The following RTTN variants were observed in gnomAD, a reference collection of about 807,000 sequenced individuals.
RTTN encodes rotatin.
In RTTN, 182 loss-of-function variants were observed where a neutral mutation model predicts 269.2. That is an observed-to-expected ratio of 0.68 (90% CI 0.60 to 0.76). The LOEUF (loss-of-function observed/expected upper bound fraction) is 0.76. Ranked by LOEUF, RTTN falls within the 30% of genes least tolerant of loss-of-function variation. The pLI, the probability that RTTN is intolerant of heterozygous loss-of-function variation, is 0.00. For missense variants in RTTN, 2,545 were observed against 2,608.6 expected, an observed-to-expected ratio of 0.98 and a Z score of 0.53; for synonymous variants, 1,006 against 963.5, an observed-to-expected ratio of 1.04 and a Z score of -0.82.
intron 34 of RTTN, among the ~76,000 whole-genome samples, chr18:70,067,578 A>G (rs1238630095): frequency 2.0e-5 from 3 of 152,246 alleles, no homozygotes; most frequent in South Asian, 2.1e-4. Context: ...AAATAATCCT[A>G]TGCCAAGACT....
chr18:70,039,111 C>A (rs930753469), intron 40 of RTTN, among the ~76,000 whole-genome samples: 12 of 151,922 alleles, frequency 7.9e-5, no homozygotes, highest in Non-Finnish European at 1.5e-4. Context: ...CTCGAAAGGG[C>A]AAATTTAAGA....
intron 34 of RTTN, among the ~76,000 whole-genome samples, chr18:70,067,405 C>T (rs530797574): frequency 2.2e-3 from 332 of 152,272 alleles, no homozygotes; most frequent in African/African-American, 7.5e-3. Flanking sequence ...GTGATCCGCC[C>T]GCCTCTGCCT....
At chr18:70,005,851 T>C (rs975544309) in intron 47 of RTTN, 1 of 154,142 alleles carries the variant, frequency 6.5e-6, no homozygotes, top group Non-Finnish European at 1.4e-5. Context: ...ACTTAATCAC[T>C]AGATACTTAT....
intron 8 of RTTN, among the ~76,000 whole-genome samples, chr18:70,192,669 C>CAAAAAAAAAAAAAAAAAAAAAAAAAAA (rs11313917): frequency 1.1e-5 from 1 of 89,884 alleles, no homozygotes; most frequent in Non-Finnish European, 2.2e-5. Context: ...GACCTTGTCT[C>CAAAAAAAAAAAAAAAAAAAAAAAAAAA]AAAAAAAAAA....
intron 46 of RTTN, chr18:70,007,704 T>C (rs1423025614): frequency 6.6e-6 from 1 of 152,370 alleles, no homozygotes; most frequent in Non-Finnish European, 1.5e-5. Flanking sequence ...ACTGCCTCTC[T>C]AGATTCCTCC....
At chr18:70,203,780 A>C (rs1222178434) in intron 3 of RTTN, among the ~76,000 whole-genome samples, 1 of 152,228 alleles carries the variant, frequency 6.6e-6, no homozygotes. Context: ...ACTAAGAACA[A>C]TGAGCACTCA....
In RTTN at chr18:70,030,876, C is replaced by T. The variant is rs752948209; in HGVS notation, c.5647G>A (p.Ala1883Thr). ...SRRAQKHALK[A>T]NLIDNCMEQM... is the part of the protein sequence containing the mutation. ...ACAGCTGATGTGTCATGTGGCTCAC[C>T]TTTCAAAGCATGTTTCTGTGCTCTT... is the stretch of plus-strand genomic sequence containing the variant. Residue 1883 changes from alanine (A) to threonine (T), a missense_variant and splice_region_variant, in exon 41 of 49, where the codon GCC becomes ACC. Transcript: ENST00000640769. 2 of 1,608,760 alleles carry T rather than the reference C, an allele frequency of 1.2e-6. No homozygotes were observed. The highest frequency in any genetic ancestry group is 1.7e-6 in the Non-Finnish European group (2 of 1,176,926).
chr18:70,200,090 T>C (rs1284686237), intron 4 of RTTN, among the ~76,000 whole-genome samples: 1 of 152,232 alleles, frequency 6.6e-6, no homozygotes, highest in African/African-American at 2.4e-5. Flanking sequence ...ACAGATCTTA[T>C]ATAGTACAAG....
At chr18:70,149,532 T>A (rs182805042) in intron 16 of RTTN, among the ~76,000 whole-genome samples, 1 of 91,358 alleles carries the variant, frequency 1.1e-5, no homozygotes, top group African/African-American at 3.1e-5. Context: ...TCCAGAAGGA[T>A]TGCTTTTTTA....
intron 46 of RTTN, among the ~76,000 whole-genome samples, chr18:70,009,923 C>A (rs1422004630): frequency 2.6e-5 from 4 of 151,880 alleles, no homozygotes; most frequent in African/African-American, 9.7e-5. Context: ...AAAAAAAAAG[C>A]AGAGGTGGCA....
At chr18:70,152,837 C>T (rs1270084757) in intron 14 of RTTN, among the ~76,000 whole-genome samples, 1 of 152,198 alleles carries the variant, frequency 6.6e-6, no homozygotes, top group Non-Finnish European at 1.5e-5. Context: ...CCCCTACAAT[C>T]CATTCCCCAC....
At chr18:70,004,339 A>T in intron 48 of RTTN, 103 bp from the exon 49 acceptor site, 1 of 661,312 alleles carries the variant, frequency 1.5e-6, no homozygotes, top group East Asian at 2.9e-5. Flanking sequence ...GGATTTATAT[A>T]TAATTTAAAG....
chr18:70,099,721 A>G (rs1228225072), intron 28 of RTTN, among the ~76,000 whole-genome samples: 2 of 152,136 alleles, frequency 1.3e-5, no homozygotes, highest in African/African-American at 4.8e-5. Context: ...TAGGTCTAAC[A>G]TTTAAGTCTT....
chr18:70,147,543 T>G (rs2060427016), intron 17 of RTTN, among the ~76,000 whole-genome samples: 1 of 152,168 alleles, frequency 6.6e-6, no homozygotes, highest in Non-Finnish European at 1.5e-5. Flanking sequence ...TGACTGTGTA[T>G]TTATGTATAA....
intron 37 of RTTN, among the ~76,000 whole-genome samples, chr18:70,055,415 G>A (rs954596287): frequency 2.0e-5 from 3 of 152,130 alleles, no homozygotes; most frequent in African/African-American, 7.2e-5. Context: ...TGTGGAGTAT[G>A]TGTCTCTGAG....
rs117705557 is a variant in RTTN, at chr18:70,085,840, C to T, written c.4374+773G>A. ...ACTCCCAAGGAGGGAGTGGGGGAGG[C>T]GGCTGAGGTTATAAATTACCTAACT... On this transcript the variant is annotated intron_variant, in intron 32 of 48. Transcript: ENST00000640769. Among the ~76,000 whole-genome samples, 31 of 152,066 alleles carry T rather than the reference C, an allele frequency of 2.0e-4. No homozygotes were observed. In the East Asian group the frequency reaches 2.3e-3, roughly 11 times the overall value.
intron 7 of RTTN, among the ~76,000 whole-genome samples, chr18:70,194,949 T>C (rs770835094): frequency 2.6e-5 from 4 of 152,186 alleles, no homozygotes; most frequent in Non-Finnish European, 5.9e-5. Context: ...GCATATTTTA[T>C]ATTATACCTA....
At chr18:70,062,607 TC>T (rs1375119746) in intron 35 of RTTN, among the ~76,000 whole-genome samples, 8 of 58,534 alleles carry the variant, frequency 1.4e-4, no homozygotes, top group South Asian at 9.9e-4. Context: ...TATCCTCCCC[TC>T]TTTTTTTTTT....
Position 70,017,495 on chromosome 18 carries a change from G to C in RTTN, c.6333C>G (p.Tyr2111Ter), listed in dbSNP as rs1471500560. 1.2e-6 allele frequency: 2 copies of C among 1,613,868 alleles called. No homozygotes were observed. The highest frequency in any genetic ancestry group is 1.7e-5 in the Admixed American group (1 of 59,988). ...GCAATAAAGGGCTGCTCTTGTGCTTGTATTTGCTCATCTCTGTTAGTAAGT... is the reference window on the plus strand; with the variant it reads ...GCAATAAAGGGCTGCTCTTGTGCTTCTATTTGCTCATCTCTGTTAGTAAGT... ...CLDLLTEMSK[Y>*]KHKSSPLLPL... The change falls in exon 46 of 49, where the codon TAC (tyrosine) becomes TAG (stop). Residue 2111 changes from tyrosine (Y) to a stop codon, truncating the protein, a stop_gained. Transcript: ENST00000640769. LOFTEE classifies it high-confidence loss of function.
Sources: gnomAD v4.1 joint callset for allele counts (sites outside exome capture counted in the v4.1 genomes callset) on GRCh38, gnomAD v4.1.1 for gene constraint, MANE v1.5 for transcripts, NCBI Gene and HGNC (gene_info 2026-07-23, HGNC 2026-07-21) for gene names.